PRKACB: variants seen among roughly 807,000 people sequenced by gnomAD.
The protein encoded by PRKACB is protein kinase cAMP-activated catalytic subunit beta.
In PRKACB, 16 loss-of-function variants were observed where a neutral mutation model predicts 51.4. The ratio of observed to expected loss-of-function variants is 0.31; its 90% CI spans 0.21 to 0.47. PRKACB has a LOEUF of 0.47. Among genes scored for constraint, PRKACB ranks in the 20% least tolerant of loss-of-function variants. PRKACB has a pLI of 1.00. For missense variants in PRKACB, 309 were observed against 464.5 expected (o/e 0.67, Z 3.08); for synonymous variants, 147 against 154.4 (o/e 0.95, Z 0.35).
intron 1 of PRKACB, among the ~76,000 whole-genome samples, chr1:84,166,571 T>A (rs755612192): frequency 6.6e-6 from 1 of 151,764 alleles, no homozygotes; most frequent in African/African-American, 2.4e-5. Context: ...CACAACTAGG[T>A]GTTCTGACTT....
chr1:84,125,677 T>C (rs917135598), intron 1 of PRKACB, among the ~76,000 whole-genome samples: 15 of 152,132 alleles, frequency 9.9e-5, no homozygotes, highest in Non-Finnish European at 1.8e-4. Flanking sequence ...TTAAAGAAAA[T>C]TTAAACCATC....
chr1:84,214,492 AT>A (rs200259148), intron 9 of PRKACB, among the ~76,000 whole-genome samples, 175 bp downstream of exon 9: 6,377 of 136,626 alleles, frequency 0.047, 302 homozygotes, highest in African/African-American at 0.14. Flanking sequence ...TCCCCCTAGA[AT>A]TTTTTTTTTT....
At chr1:84,151,303 A>G (rs1654833687) in intron 1 of PRKACB, among the ~76,000 whole-genome samples, 2 of 152,158 alleles carry the variant, frequency 1.3e-5, no homozygotes, top group African/African-American at 4.8e-5. Flanking sequence ...TTTTATTGCT[A>G]AAAAAATACT....
intron 9 of PRKACB, among the ~76,000 whole-genome samples, chr1:84,218,651 C>A (rs655181): frequency 2.0e-5 from 3 of 152,308 alleles, no homozygotes; most frequent in African/African-American, 7.2e-5. Context: ...TACTGATTTC[C>A]TTTGGATTAA....
intron 1 of PRKACB, among the ~76,000 whole-genome samples, chr1:84,154,456 T>G (rs928013322): frequency 1.3e-5 from 2 of 152,094 alleles, no homozygotes; most frequent in African/African-American, 2.4e-5. Flanking sequence ...CTAGTAGTAT[T>G]TCATGGCTTC....
At chr1:84,178,253 T>C (rs1228924304) in intron 1 of PRKACB, among the ~76,000 whole-genome samples, 1 of 151,874 alleles carries the variant, frequency 6.6e-6, no homozygotes, top group Admixed American at 6.6e-5. Flanking sequence ...TTCACTAGTA[T>C]AGTCAGGTTT....
chr1:84,083,568 A>G (rs1212802501), intron 1 of PRKACB, among the ~76,000 whole-genome samples: 1 of 152,228 alleles, frequency 6.6e-6, no homozygotes, highest in African/African-American at 2.4e-5. Context: ...CAGGATAGCT[A>G]TTAAGATCCT....
intron 1 of PRKACB, among the ~76,000 whole-genome samples, chr1:84,106,645 G>C (rs563207251): frequency 5.5e-4 from 83 of 152,124 alleles, no homozygotes; most frequent in Non-Finnish European, 9.1e-4. Context: ...CTCTTAGATA[G>C]GAAGAATCAA....
In PRKACB at chr1:84,236,127, T is replaced by G. The variant is rs913341114; in HGVS notation, c.*822T>G. On this transcript the variant is annotated 3_prime_UTR_variant, in exon 10 of 10. Coordinates refer to ENST00000370685, the MANE Select transcript of PRKACB (RefSeq NM_182948.4). ...GGTATTAGAGAAGAGTTCTAAGTTT[T>G]CTAAACCTTAACTGTTCCTTAAGGA... The G allele has an allele frequency of 6.6e-6, 1 of 152,666 alleles. No individual in the cohort carries two copies. Among genetic ancestry groups the G allele is most frequent in the Non-Finnish European group, 1.5e-5 (1 of 68,040 alleles). The allele number at this position is 152,666 out of a possible 1,614,324, so 9.5% of individuals were successfully genotyped here.
At chr1:84,196,332 A>C (rs965991893) in intron 5 of PRKACB, among the ~76,000 whole-genome samples, 5 of 152,182 alleles carry the variant, frequency 3.3e-5, no homozygotes, top group Non-Finnish European at 7.4e-5. Flanking sequence ...AAAGACATCA[A>C]TATATTTAAA....
chr1:84,166,076 A>G (rs927606851), intron 1 of PRKACB, among the ~76,000 whole-genome samples: 2 of 151,684 alleles, frequency 1.3e-5, no homozygotes, highest in Admixed American at 1.3e-4. Context: ...GTACAATATA[A>G]ACCTCTTAAA....
At chr1:84,180,098 A>G (rs1360883797) in intron 2 of PRKACB, among the ~76,000 whole-genome samples, 2 of 145,596 alleles carry the variant, frequency 1.4e-5, no homozygotes, top group Non-Finnish European at 3.0e-5. Flanking sequence ...TTGCACACGC[A>G]TGCTTATAGT....
At chr1:84,152,529 A>G (rs1171004187) in intron 1 of PRKACB, among the ~76,000 whole-genome samples, 2 of 152,166 alleles carry the variant, frequency 1.3e-5, no homozygotes, top group Non-Finnish European at 2.9e-5. Context: ...TTCATCAATT[A>G]TTTTAGCTAG....
chr1:84,233,930 C>T (rs567521762), intron 9 of PRKACB, among the ~76,000 whole-genome samples: 445 of 115,000 alleles, frequency 3.9e-3, no homozygotes, highest in Non-Finnish European at 6.7e-3. Context: ...AGTCATTCTC[C>T]GTCCAGCTTT....
chr1:84,163,208 G>A (rs188805612), intron 1 of PRKACB, among the ~76,000 whole-genome samples: 186 of 152,092 alleles, frequency 1.2e-3, no homozygotes, highest in South Asian at 4.1e-3. Context: ...TCGGAAGTCT[G>A]TACCAGCTTT....
At chr1:84,134,695 C>A (rs924558254) in intron 1 of PRKACB, among the ~76,000 whole-genome samples, 2 of 152,086 alleles carry the variant, frequency 1.3e-5, no homozygotes, top group Non-Finnish European at 2.9e-5. Context: ...ATAAAGTCAA[C>A]AGTTAGAAAC....
chr1:84,182,736 T>G, intron 3 of PRKACB, among the ~76,000 whole-genome samples: 1 of 151,932 alleles, frequency 6.6e-6, no homozygotes, highest in East Asian at 1.9e-4. Flanking sequence ...GTATAGGCTT[T>G]ATGCAAAGCC....
At chr1:84,199,105 GTA>G (rs1194092292) in intron 7 of PRKACB, among the ~76,000 whole-genome samples, 3 of 81,962 alleles carry the variant, frequency 3.7e-5, no homozygotes, top group African/African-American at 1.2e-4. Context: ...ATGCATATAT[GTA>G]TATATATGCA....
chr1:84,164,881 G>T, intron 1 of PRKACB: 13 of 1,403,952 alleles, frequency 9.3e-6, no homozygotes, highest in Non-Finnish European at 1.2e-5. Flanking sequence ...TTCGTTTTCT[G>T]TGTGCTGCAT....
Sources: allele counts gnomAD v4.1 joint callset (sites outside exome capture counted in the v4.1 genomes callset), GRCh38; gene constraint gnomAD v4.1.1; transcripts MANE v1.5; gene names NCBI Gene and HGNC (gene_info 2026-07-23, HGNC 2026-07-21).